KRT40: variants seen among roughly 807,000 people sequenced by gnomAD.
The protein encoded by KRT40 is keratin, type I cytoskeletal 40.
A neutral mutation model predicts 43.5 loss-of-function variants in KRT40; 47 were observed. The observed-to-expected ratio is 1.08, with a 90% CI of 0.86 to 1.38. The LOEUF is 1.38. KRT40 is among the 40% of genes most tolerant of loss of function. The probability of loss-of-function intolerance (pLI) is 0.00; values close to 1 mark genes in which losing one functional copy is unlikely to be tolerated. For synonymous variants in KRT40, 212 were observed against 214.0 expected (o/e 0.99, Z 0.08); for missense variants, 573 against 523.6 (o/e 1.09, Z -0.92).
Position 40,982,389 on chromosome 17 carries a change from A to G in KRT40, c.605T>C (p.Leu202Pro). 6.2e-7 allele frequency: 1 copy of G among 1,612,150 alleles called. No homozygotes were observed. The highest frequency in any genetic ancestry group is 1.1e-5 in the South Asian group (1 of 90,720). Residue 202 changes from leucine (L) to proline (P), a missense_variant, in exon 3 of 7, where the codon CTG becomes CCG. Coordinates refer to ENST00000377755, the MANE Select transcript of KRT40 (RefSeq NM_001389244.1). The stretch of plus-strand genomic sequence containing the variant: ...CTCCAGATCAGATTTGCACAGGGTC[A>G]GTTCCTCCAGGATCCCATGCAGGCT... ...ISSLHGILEE[L>P]TLCKSDLEAH...
In KRT40 at chr17:40,978,648, A is replaced by G. The variant is rs147835484; in HGVS notation, c.1196+156T>C. ...ATATTTTAAAAATATCTCTAGTGTC[A>G]TGTTCTTAACCTCAGCCACTTTTCA... On this transcript the variant is annotated intron_variant, in intron 6 of 6. Transcript: ENST00000377755. Among the ~76,000 whole-genome samples the G allele has an allele frequency of 4.5e-3, 665 of 148,198 alleles. 7 individuals are homozygous for G. The highest frequency in any genetic ancestry group is 0.017 in the African/African-American group (642 of 37,680).
intron 3 of KRT40, 43 bp downstream of exon 3, chr17:40,982,264 C>T (rs762817144): frequency 1.2e-5 from 18 of 1,467,534 alleles, no homozygotes; most frequent in East Asian, 5.0e-5. Flanking sequence ...AATGTAAGTA[C>T]GTTACTCTCG....
upstream of KRT40, among the ~76,000 whole-genome samples, chr17:40,984,505 A>C (rs1912375766): frequency 6.6e-6 from 1 of 152,218 alleles, no homozygotes; most frequent in South Asian, 2.1e-4. Flanking sequence ...AGGTTACCAA[A>C]GCAGGACCCA....
At chr17:40,986,920 A>G (rs1379088559), upstream of KRT40, 2 of 152,074 alleles carry the variant, frequency 1.3e-5, no homozygotes. Flanking sequence ...GTGCCAATTT[A>G]CCTTTCTGGG....
chr17:40,981,096 GT>G lies in KRT40; in HGVS notation c.742del (p.Thr248LeufsTer40). ...CCTGTTGAGGTCAAGGGTGGGGGCA[GT>G]GTCCAGCTCCACACTGAGGCGGTCG... ...LGDRLSVELD[T>X]APTLDLNRVL... On this transcript the variant is annotated frameshift_variant, in exon 4 of 7. Coordinates refer to ENST00000377755, the MANE Select transcript of KRT40 (RefSeq NM_001389244.1). LOFTEE classifies it high-confidence loss of function. 6.2e-7 allele frequency: 1 copy of G among 1,614,254 alleles called. No homozygotes were observed. The highest frequency in any genetic ancestry group is 8.5e-7 in the Non-Finnish European group (1 of 1,180,052).
intron 3 of KRT40, 94 bp from the exon 4 acceptor site, chr17:40,981,245 G>A (rs1439543631): frequency 1.3e-5 from 21 of 1,596,490 alleles, no homozygotes; most frequent in Admixed American, 5.2e-5. Context: ...TTGGAGCAGT[G>A]GGTAAAAGTG....
At chr17:40,982,065 G>C (rs956468638) in intron 3 of KRT40, among the ~76,000 whole-genome samples, 10 of 151,952 alleles carry the variant, frequency 6.6e-5, no homozygotes, top group African/African-American at 2.4e-4. Flanking sequence ...TTTTAGTAGA[G>C]ATGAGGTTTC....
At position 40,982,291 on chromosome 17, in the gene KRT40, T is replaced by C; in HGVS notation, c.687+16A>G. 3 of 1,530,012 alleles carry C rather than the reference T, an allele frequency of 2.0e-6. No individual in the cohort carries two copies. The highest frequency in any genetic ancestry group is 1.4e-5 in the African/African-American group (1 of 70,862). 94.8% of individuals were successfully genotyped at this position (1,530,012 alleles called of 1,614,324 possible). On this transcript the variant is annotated intron_variant, in intron 3 of 6. Transcript: ENST00000377755. ...TTACTCTCGGAGTCCTTCAGCGGAG[T>C]TGCCACTTTCCTTACCTCTTCATGG...
chr17:40,985,461 G>T (rs1159775887), upstream of KRT40, among the ~76,000 whole-genome samples: 4 of 152,084 alleles, frequency 2.6e-5, no homozygotes, highest in Non-Finnish European at 4.4e-5. Flanking sequence ...AGAGAAAATT[G>T]TCTCTAGAAT....
Position 40,979,913 on chromosome 17 carries a change from C to T in KRT40, c.975+872G>A, listed in dbSNP as rs1912041088. 1.3e-5 allele frequency among the ~76,000 whole-genome samples: 2 copies of T among 152,164 alleles called. 1 individual carries two copies. Among genetic ancestry groups the T allele is most frequent in the South Asian group, 4.1e-4 (2 of 4,828 alleles). Reference sequence around the variant, plus strand: ...GGGAGGACTTGAAATGCTCCCAACACATAGAAATGATAAATACTTGAGGTG... The same window carrying T: ...GGGAGGACTTGAAATGCTCCCAACATATAGAAATGATAAATACTTGAGGTG... On this transcript the variant is annotated intron_variant, in intron 5 of 6. Transcript: ENST00000377755.
upstream of KRT40, among the ~76,000 whole-genome samples, chr17:40,985,447 G>T (rs1912426481): frequency 6.6e-6 from 1 of 152,096 alleles, no homozygotes; most frequent in Non-Finnish European, 1.5e-5. Context: ...TTTCAAAGGT[G>T]CATAGAGAAA....
chr17:40,987,068 G>A (rs996627669), upstream of KRT40: 2 of 152,196 alleles, frequency 1.3e-5, no homozygotes, highest in Non-Finnish European at 2.9e-5. Flanking sequence ...CAGCTGAAAC[G>A]TCGTTCAACT....
chr17:40,984,690 T>C (rs2143691997), upstream of KRT40, among the ~76,000 whole-genome samples: 1 of 152,332 alleles, frequency 6.6e-6, no homozygotes, highest in South Asian at 2.1e-4. Flanking sequence ...TGTGGATTGA[T>C]TGCTTGTGTC....
rs778187410 is a variant in KRT40 at position 40,978,869 on chromosome 17, G to C, written c.1131C>G (p.Asp377Glu). The stretch of plus-strand genomic sequence containing the variant: ...TCTCACCCTCCAGCCGGGCCTTCAC[G>C]TCCAGGAGCACCTGGTACTCCTGGT... ...RQNQEYQVLL[D>E]VKARLEGEIN... The change falls in exon 6 of 7, where the codon GAC becomes GAG. Residue 377 changes from aspartate to glutamate, a missense_variant. By Grantham distance (45) the Asp-to-Glu change is conservative. Transcript: ENST00000377755. The C allele has an allele frequency of 2.2e-5, 36 of 1,612,074 alleles. No homozygotes were observed. Among genetic ancestry groups the C allele is most frequent in the Middle Eastern group, 1.7e-4 (1 of 5,836 alleles).
At chr17:40,979,214 A>G (rs8068997) in intron 5 of KRT40, among the ~76,000 whole-genome samples, 190 bp from the exon 6 acceptor site, 58,009 of 152,088 alleles carry the variant, frequency 0.38, 13,384 homozygotes, top group African/African-American at 0.66. Flanking sequence ...ACGGTTGTGA[A>G]GATTAAGAGT....
intron 6 of KRT40, 55 bp from the exon 7 acceptor site, chr17:40,978,351 C>T: frequency 7.2e-7 from 1 of 1,396,936 alleles, no homozygotes; most frequent in Non-Finnish European, 1.0e-6. Context: ...GATAAAATGG[C>T]AACTCAGAAA....
rs765902061 is a variant in KRT40, at chr17:40,978,261, G to A, written c.1232C>T (p.Ser411Leu). Reference sequence around the variant, plus strand: ...TGAGCATGGCTCACAAGTGTTGCTCGAGGTGCATGTGGTCGAACATGGGCT... The same window carrying A: ...TGAGCATGGCTCACAAGTGTTGCTCAAGGTGCATGTGGTCGAACATGGGCT... ...SCSPCSTTCT[S>L]SNTCEPCSAY... Residue 411 changes from serine to leucine, a missense_variant, in exon 7 of 7, where the codon TCG (serine) becomes TTG (leucine). Coordinates refer to ENST00000377755, the MANE Select transcript of KRT40 (RefSeq NM_001389244.1). 3.7e-6 allele frequency: 6 copies of A among 1,613,918 alleles called. No individual in the cohort carries two copies. The highest frequency in any genetic ancestry group is 2.2e-5 in the East Asian group (1 of 44,904).
In KRT40 at chr17:40,980,884, C is replaced by G. The variant is rs779165848; in HGVS notation, c.876G>C (p.Leu292=). 1 of 1,614,014 alleles carries G rather than the reference C, an allele frequency of 6.2e-7. No homozygotes were observed. Among genetic ancestry groups the G allele is most frequent in the Non-Finnish European group, 8.5e-7 (1 of 1,180,020 alleles). ...AGCCCTGCAGCTGCTCCGCGCTGGA[C>G]AGTTGCTGCTGATTCAGCTCTTCTG... is the stretch of plus-strand genomic sequence containing the variant. The part of the protein sequence containing the change: ...VQTEELNQQQ[L]SSAEQLQGCQ... Residue 292 remains leucine, a synonymous_variant, in exon 5 of 7, where the codon CTG becomes CTC. Transcript: ENST00000377755.
Position 40,977,931 on chromosome 17 carries a change from C to T in KRT40, c.*266G>A. The T allele has an allele frequency of 2.9e-6, 1 of 345,710 alleles. No individual in the cohort carries two copies. 21.4% of individuals were successfully genotyped at this position (345,710 alleles called of 1,614,324 possible). On this transcript the variant is annotated 3_prime_UTR_variant, in exon 7 of 7. Transcript: ENST00000377755. The stretch of plus-strand genomic sequence containing the variant: ...GAATATTCTATCAACAGTAATCAGC[C>T]ATAGAGCTATATTTACCACGCTAAA...
Sources: gnomAD v4.1 joint callset for allele counts (sites outside exome capture counted in the v4.1 genomes callset) on GRCh38, gnomAD v4.1.1 for gene constraint, MANE v1.5 for transcripts, NCBI Gene and HGNC (gene_info 2026-07-23, HGNC 2026-07-21) for gene names.